Variants in CDC6 observed in about 807,000 individuals in gnomAD.
CDC6 encodes cell division cycle 6.
In CDC6, 46 loss-of-function variants were observed where a neutral mutation model predicts 60.2. The observed-to-expected ratio is 0.76, with a 90% confidence interval of 0.60 to 0.98. CDC6 has a LOEUF of 0.98. CDC6 is among the 50% of genes least tolerant of loss of function. The pLI, the probability that CDC6 is intolerant of heterozygous loss-of-function variation, is 0.00. For missense variants in CDC6, 596 were observed against 652.9 expected, an observed-to-expected ratio of 0.91 and a Z score of 0.95; for synonymous variants, 210 against 233.2, an observed-to-expected ratio of 0.90 and a Z score of 0.90.
rs903909102 is a variant in CDC6, at chr17:40,303,934, C to A, written c.*1933C>A. 6.6e-6 allele frequency: 1 copy of A among 152,248 alleles called. No individual in the cohort carries two copies. The highest frequency in any genetic ancestry group is 2.4e-5 in the African/African-American group (1 of 41,466). 9.4% of individuals were successfully genotyped at this position (152,248 alleles called of 1,614,324 possible). ...TAGGATCCTGCCCAATAAGGAGCAG[C>A]CTCCCCACCTCATTGTGTTTGAGGC... On this transcript the variant is annotated 3_prime_UTR_variant, in exon 12 of 12. Coordinates refer to ENST00000209728, the MANE Select transcript of CDC6 (RefSeq NM_001254.4).
rs1011555996 is a variant in CDC6 at position 40,294,039 on chromosome 17, C to T, written c.926C>T (p.Ser309Phe). The T allele has an allele frequency of 1.2e-6, 2 of 1,611,814 alleles. No homozygotes were observed. The highest frequency in any genetic ancestry group is 1.7e-6 in the Non-Finnish European group (2 of 1,177,870). ...TLFEWPWLSN[S>F]HLVLIGIANT... ...TTTGAATGGCCATGGCTAAGCAATT[C>T]TCACTTGGTGCTGATTGGTTAGTGC... The change falls in exon 6 of 12, where the codon TCT becomes TTT. Residue 309 changes from serine to phenylalanine, a missense_variant. By Grantham distance (155) the Ser-to-Phe change is radical. Transcript: ENST00000209728.
At chr17:40,297,662 G>C (rs1275732484) in intron 9 of CDC6, among the ~76,000 whole-genome samples, 1 of 152,158 alleles carries the variant, frequency 6.6e-6, no homozygotes, top group Non-Finnish European at 1.5e-5. Flanking sequence ...TAGCTACTTG[G>C]CAGGCTGAGG....
intron 11 of CDC6, 89 bp downstream of exon 11, chr17:40,301,697 C>G: frequency 1.4e-6 from 2 of 1,406,634 alleles, no homozygotes; most frequent in Non-Finnish European, 2.0e-6. Flanking sequence ...ACAAGATGAC[C>G]ACAGTTAGTT....
intron 9 of CDC6, among the ~76,000 whole-genome samples, chr17:40,298,401 T>C (rs562574498): frequency 4.0e-5 from 6 of 151,334 alleles, no homozygotes; most frequent in East Asian, 3.9e-4. Context: ...TTCTTTCTTT[T>C]TTTTTTTTCT....
intron 9 of CDC6, among the ~76,000 whole-genome samples, chr17:40,299,201 G>T (rs1158705382): frequency 7.6e-6 from 1 of 131,844 alleles, no homozygotes; most frequent in Non-Finnish European, 1.5e-5. Flanking sequence ...AGGCTGGAGT[G>T]CAGTGGCGTG....
chr17:40,302,358 TG>T lies in CDC6; in HGVS notation c.*358del. 1.1e-5 allele frequency: 3 copies of T among 261,574 alleles called. No individual in the cohort carries two copies. The highest frequency in any genetic ancestry group is 4.3e-5 in the South Asian group (1 of 23,104). 16.2% of individuals were successfully genotyped at this position (261,574 alleles called of 1,614,324 possible). Reference sequence around the variant, plus strand: ...TGGGTATTTTTTTGTTTGTTTTTTTTGTTGTTGTTGTTTTTGAGGCGCGTCT... The same window carrying T: ...TGGGTATTTTTTTGTTTGTTTTTTTTTTGTTGTTGTTTTTGAGGCGCGTCT... On this transcript the variant is annotated 3_prime_UTR_variant, in exon 12 of 12. Coordinates refer to ENST00000209728, the MANE Select transcript of CDC6 (RefSeq NM_001254.4).
intron 9 of CDC6, among the ~76,000 whole-genome samples, chr17:40,299,138 CTTTTTTTTTTT>C (rs67162965): frequency 2.1e-4 from 13 of 60,780 alleles, no homozygotes; most frequent in South Asian, 1.1e-3. Flanking sequence ...AGGCCATAGT[CTTTTTTTTTTT>C]TTTTTTTTTT....
chr17:40,301,207 G>A (rs572449448), intron 10 of CDC6, among the ~76,000 whole-genome samples, 177 bp downstream of exon 10: 1 of 152,290 alleles, frequency 6.6e-6, no homozygotes, highest in East Asian at 1.9e-4. Flanking sequence ...GATTGTGGTT[G>A]AGAGTTTATC....
intron 8 of CDC6, 70 bp downstream of exon 8, chr17:40,295,526 T>A: frequency 9.4e-7 from 1 of 1,067,822 alleles, no homozygotes; most frequent in Non-Finnish European, 1.5e-6. Context: ...TTGTCTCATG[T>A]AACTCAAGTG....
chr17:40,298,694 T>C (rs889480987), intron 9 of CDC6, among the ~76,000 whole-genome samples: 3 of 152,200 alleles, frequency 2.0e-5, no homozygotes, highest in African/African-American at 7.2e-5. Flanking sequence ...TGAGCCACCA[T>C]ACCAGGTTGA....
intron 9 of CDC6, among the ~76,000 whole-genome samples, 158 bp downstream of exon 9, chr17:40,296,925 C>T (rs183423091): frequency 7.2e-4 from 110 of 152,306 alleles, no homozygotes; most frequent in African/African-American, 2.4e-3. Context: ...TTATTTCAAT[C>T]TTGCCTGCCA....
At chr17:40,292,042 T>G (rs1212563442) in intron 4 of CDC6, among the ~76,000 whole-genome samples, 1 of 152,126 alleles carries the variant, frequency 6.6e-6, no homozygotes, top group Non-Finnish European at 1.5e-5. Flanking sequence ...CCACCGCACC[T>G]GGCCTGTTTT....
intron 7 of CDC6, among the ~76,000 whole-genome samples, 199 bp from the exon 8 acceptor site, chr17:40,295,157 C>T (rs143033871): frequency 6.6e-6 from 1 of 152,254 alleles, no homozygotes; most frequent in East Asian, 1.9e-4. Flanking sequence ...TGAACTTCTA[C>T]TGCATCCGTA....
In CDC6 at chr17:40,301,421, G is replaced by A. The variant is rs576774226; in HGVS notation, c.1453-47G>A. ...TTTCTTAAATGATTAAAGGCTATAA[G>A]CAATGTGACTTTTAAGCAGCGTTTG... On this transcript the variant is annotated intron_variant, in intron 10 of 11. Coordinates refer to ENST00000209728, the MANE Select transcript of CDC6 (RefSeq NM_001254.4). 54 of 1,597,476 alleles carry A rather than the reference G, an allele frequency of 3.4e-5. No individual in the cohort carries two copies. The African/African-American group carries it at 3.7e-4, about 11-fold the overall frequency.
intron 1 of CDC6, 51 bp from the exon 2 acceptor site, chr17:40,289,357 C>G: frequency 8.9e-6 from 12 of 1,345,380 alleles, no homozygotes; most frequent in Non-Finnish European, 1.3e-5. Flanking sequence ...TAGTTATTTT[C>G]TCTTCACTTT....
At chr17:40,300,148 G>C (rs949823423) in intron 9 of CDC6, among the ~76,000 whole-genome samples, 1 of 152,128 alleles carries the variant, frequency 6.6e-6, no homozygotes, top group Non-Finnish European at 1.5e-5. Flanking sequence ...ATTTTTAGTA[G>C]AGATGGAGTT....
Position 40,294,416 on chromosome 17 carries a change from T to C in CDC6, c.996T>C (p.Ala332=). 6.2e-7 allele frequency: 1 copy of C among 1,610,900 alleles called. No homozygotes were observed. Among genetic ancestry groups the C allele is most frequent in the South Asian group, 1.1e-5 (1 of 91,022 alleles). The stretch of plus-strand genomic sequence containing the variant: ...ATAGAATTCTACCTAGGCTTCAAGC[T>C]AGAGAAAAATGTAAGCCACAGCTGT... ...LTDRILPRLQ[A]REKCKPQLLN... is the part of the protein sequence containing the mutation. Residue 332 remains alanine (A), a synonymous_variant, in exon 7 of 12, where the codon GCT becomes GCC. Transcript: ENST00000209728.
In CDC6 at chr17:40,302,164, A is replaced by T; in HGVS notation, c.*163A>T. ...GATTCTTTAATATTAGCACAGAATAATATCTTTGGGTCTTACTATTTTTAC... is the reference window on the plus strand; with the variant it reads ...GATTCTTTAATATTAGCACAGAATATTATCTTTGGGTCTTACTATTTTTAC... On this transcript the variant is annotated 3_prime_UTR_variant, in exon 12 of 12. Transcript: ENST00000209728. The T allele has an allele frequency of 1.5e-6, 1 of 650,454 alleles. No individual in the cohort carries two copies. Among genetic ancestry groups the T allele is most frequent in the East Asian group, 2.7e-5 (1 of 36,584 alleles). 40.3% of individuals were successfully genotyped at this position (650,454 alleles called of 1,614,324 possible).
In CDC6 at chr17:40,300,811, G is replaced by A; in HGVS notation, c.1250-17G>A. ...TATTTTAGAAATCGAATTAAGCTTG[G>A]CTTATTTACTTTATAGGTAAATCAC... On this transcript the variant is annotated splice_polypyrimidine_tract_variant and intron_variant, in intron 9 of 11. Transcript: ENST00000209728. The A allele has an allele frequency of 1.3e-6, 2 of 1,592,148 alleles. No homozygotes were observed. Among genetic ancestry groups the A allele is most frequent in the Non-Finnish European group, 1.7e-6 (2 of 1,160,340 alleles).
Sources: allele counts gnomAD v4.1 joint callset (sites outside exome capture counted in the v4.1 genomes callset), GRCh38; gene constraint gnomAD v4.1.1; transcripts MANE v1.5; gene names NCBI Gene and HGNC (gene_info 2026-07-23, HGNC 2026-07-21).